The following ANKHD1 variants were observed in gnomAD, a reference collection of about 807,000 sequenced individuals.
The protein encoded by ANKHD1 is ankyrin repeat and KH domain containing 1, also known as ankyrin repeat and KH domain-containing protein 1.
ANKHD1 carries 31 observed loss-of-function variants against 230.5 expected under a neutral mutation model. The observed-to-expected ratio is 0.13, with a 90% CI of 0.10 to 0.18. The LOEUF (loss-of-function observed/expected upper bound fraction) is 0.18, where lower values mean the gene tolerates loss of function less well. Ranked by LOEUF, ANKHD1 falls within the 10% of genes least tolerant of loss-of-function variation. The probability of loss-of-function intolerance (pLI) is 1.00; values close to 1 mark genes in which losing one functional copy is unlikely to be tolerated. For synonymous variants in ANKHD1, 1,074 were observed against 1,117.6 expected (o/e 0.96, Z 0.78); for missense variants, 2,256 against 3,071.3 (o/e 0.73, Z 6.27).
chr5:140,487,052 T>G lies in ANKHD1; in HGVS notation c.2237T>G (p.Val746Gly). Residue 746 changes from valine to glycine, a missense_variant, in exon 14 of 34, where the codon GTG becomes GGG. This residue lies in a region of ANKHD1 where 358 missense variants were observed against 397.7 expected (regional missense o/e 0.90). Coordinates refer to ENST00000360839, the MANE Select transcript of ANKHD1 (RefSeq NM_017747.3). ...GAGAACTCTCCTGCCCTTTTAGGAG[T>G]GCAAAAAGGTTAGTTATTGAATTAT... is the stretch of plus-strand genomic sequence containing the variant. ...SQENSPALLG[V>G]QKGTSKQKSS... 6.2e-7 allele frequency: 1 copy of G among 1,607,888 alleles called. No individual in the cohort carries two copies. The highest frequency in any genetic ancestry group is 8.5e-7 in the Non-Finnish European group (1 of 1,177,856).
intron 14 of ANKHD1, 53 bp from the exon 15 acceptor site, chr5:140,496,443 CTTTTTTTTTTTTCTTTTCTTTTTT>C: frequency 1.3e-5 from 9 of 718,958 alleles, no homozygotes; most frequent in South Asian, 6.3e-5. Flanking sequence ...GGCTGGTTTT[CTTTTTTTTTTTTCTTTTCTTTTTT>C]TTTTTTTTTT....
rs965810628 is a variant in ANKHD1 at position 140,538,934 on chromosome 5, A to T, written c.7420A>T (p.Met2474Leu). The T allele has an allele frequency of 1.9e-6, 3 of 1,548,020 alleles. No homozygotes were observed. The highest frequency in any genetic ancestry group is 2.6e-6 in the Non-Finnish European group (3 of 1,150,352). Reference protein sequence around the residue: ...VDFSKGLPISMYGGTIIPSHP... With the variant: ...VDFSKGLPISLYGGTIIPSHP... ...GCTGTTTTAGGGTCTGCCAATTTCC[A>T]TGTATGGAGGCACCATAATACCCTC... The change falls in exon 33 of 34, where the codon ATG becomes TTG. Residue 2474 changes from methionine (M) to leucine (L), a missense_variant. By Grantham distance (15) the Met-to-Leu change is conservative (BLOSUM62 2). Around this residue, in one of 13 missense-constraint regions of ANKHD1, gnomAD observed 778 missense variants for 966.5 expected, o/e 0.80. Transcript: ENST00000360839.
intron 10 of ANKHD1, among the ~76,000 whole-genome samples, chr5:140,481,184 T>C (rs912773616): frequency 4.6e-5 from 7 of 152,226 alleles, no homozygotes; most frequent in African/African-American, 1.7e-4. Context: ...TAATGATAAT[T>C]CAGAAATAAG....
chr5:140,497,131 A>C lies in ANKHD1; in HGVS notation c.2857A>C (p.Lys953Gln), dbSNP rs966729842. Residue 953 changes from lysine to glutamine, a missense_variant, in exon 15 of 34, where the codon AAA becomes CAA. By Grantham distance (53) the Lys-to-Gln change is moderately conservative. Transcript: ENST00000360839. ...SNGTNSLELQKVSGNQQIVGQ... is the reference protein window; with the variant it reads ...SNGTNSLELQQVSGNQQIVGQ... Reference sequence around the variant, plus strand: ...TGGGACAAATTCTCTTGAACTTCAGAAAGTATCAGGTAATCAGCAGATTGT... The same window carrying C: ...TGGGACAAATTCTCTTGAACTTCAGCAAGTATCAGGTAATCAGCAGATTGT... 11 of 1,614,086 alleles carry C rather than the reference A, an allele frequency of 6.8e-6. No individual in the cohort carries two copies. The African/African-American group carries it at 1.1e-4, about 16-fold the overall frequency.
chr5:140,489,888 G>A (rs771426484), intron 14 of ANKHD1, among the ~76,000 whole-genome samples: 45 of 152,180 alleles, frequency 3.0e-4, no homozygotes, highest in Non-Finnish European at 5.1e-4. Flanking sequence ...CTGCGATAGT[G>A]CATTGTGTTA....
At chr5:140,449,006 T>C (rs1304571513) in intron 6 of ANKHD1, among the ~76,000 whole-genome samples, 1 of 152,244 alleles carries the variant, frequency 6.6e-6, no homozygotes, top group East Asian at 1.9e-4. Flanking sequence ...TAATTCAGTC[T>C]TTAAAGCCTA....
At chr5:140,469,591 AAC>A (rs1283130904) in intron 10 of ANKHD1, among the ~76,000 whole-genome samples, 2 of 152,124 alleles carry the variant, frequency 1.3e-5, no homozygotes, top group Non-Finnish European at 2.9e-5. Context: ...AACTATAGAA[AAC>A]ACAGGAATAA....
At chr5:140,406,223 G>GA (rs1320888962) in intron 1 of ANKHD1, among the ~76,000 whole-genome samples, 1 of 149,948 alleles carries the variant, frequency 6.7e-6, no homozygotes, top group Admixed American at 6.6e-5. Context: ...GGGTGACAGA[G>GA]AGAGACTCTG....
chr5:140,479,244 C>G (rs886794085), intron 10 of ANKHD1, among the ~76,000 whole-genome samples: 3 of 149,432 alleles, frequency 2.0e-5, no homozygotes, highest in African/African-American at 7.4e-5. Flanking sequence ...TGATCCCCCC[C>G]GCCTCGGCCT....
At position 140,428,932 on chromosome 5, in the gene ANKHD1, A is replaced by G. The variant is rs148903934; in HGVS notation, c.307-7172A>G. ...CGAGTAGCTGTGACTACAGGCATGC[A>G]CCATGAGGTCTGGCAAATTTTTTTT... On this transcript the variant is annotated intron_variant, in intron 1 of 33. Coordinates refer to ENST00000360839, the MANE Select transcript of ANKHD1 (RefSeq NM_017747.3). 1.6e-4 allele frequency among the ~76,000 whole-genome samples: 24 copies of G among 150,620 alleles called. 1 individual carries two copies. In the East Asian group the frequency reaches 4.7e-3, roughly 30 times the overall value.
intron 1 of ANKHD1, among the ~76,000 whole-genome samples, chr5:140,406,128 C>T (rs1770418330): frequency 6.6e-6 from 1 of 151,694 alleles, no homozygotes; most frequent in South Asian, 2.1e-4. Context: ...ATCTGAGTTA[C>T]TCAGGAGGCT....
intron 1 of ANKHD1, among the ~76,000 whole-genome samples, chr5:140,415,495 A>G (rs1239250590): frequency 6.7e-6 from 1 of 148,248 alleles, no homozygotes; most frequent in Non-Finnish European, 1.5e-5. Context: ...CTGGAGTACA[A>G]TGGTGCGATC....
rs1415440311 is a variant in ANKHD1, at chr5:140,482,788, T to G, written c.1870+121T>G. 17 of 1,030,828 alleles carry G rather than the reference T, an allele frequency of 1.6e-5. No individual in the cohort carries two copies. In the Middle Eastern group the frequency reaches 6.4e-4, roughly 39 times the overall value. The allele number at this position is 1,030,828 out of a possible 1,614,324, so 63.9% of individuals were successfully genotyped here. A position where few individuals can be genotyped will look rare whatever the true frequency, so the allele number is the denominator to read the frequency against. Reference sequence around the variant, plus strand: ...CAGTAAAGTATTGTATTCTTGCCTTTTGTTATTATATTTTATTTAGTAAGC... The same window carrying G: ...CAGTAAAGTATTGTATTCTTGCCTTGTGTTATTATATTTTATTTAGTAAGC... On this transcript the variant is annotated intron_variant, in intron 11 of 33. Coordinates refer to ENST00000360839, the MANE Select transcript of ANKHD1 (RefSeq NM_017747.3).
rs1753646734 is a variant in ANKHD1, at chr5:140,527,263, GAC to G, written c.5087+193_5087+194del. 3 of 985,442 alleles carry G rather than the reference GAC, an allele frequency of 3.0e-6. No homozygotes were observed. The highest frequency in any genetic ancestry group is 3.4e-5 in the East Asian group (1 of 29,626). The allele number at this position is 985,442 out of a possible 1,614,324, so 61.0% of individuals were successfully genotyped here. A position where few individuals can be genotyped will look rare whatever the true frequency, so the allele number is the denominator to read the frequency against. On this transcript the variant is annotated intron_variant, in intron 27 of 33. Transcript: ENST00000360839. The surrounding 1 kb of genome is among the most constrained non-coding windows in gnomAD (Gnocchi z 4.5). ...TAAATTTTGCATGCATATTTTATAT[GAC>G]ACAAGAAATTTTGGCTTTTTTGGAT...
chr5:140,425,664 G>A (rs1298316985), intron 1 of ANKHD1, among the ~76,000 whole-genome samples: 1 of 152,060 alleles, frequency 6.6e-6, no homozygotes, highest in East Asian at 1.9e-4. Flanking sequence ...AATGAATATA[G>A]CCTTTTTATT....
chr5:140,533,237 C>A (rs1753914912), intron 29 of ANKHD1, among the ~76,000 whole-genome samples: 2 of 152,224 alleles, frequency 1.3e-5, no homozygotes, highest in Non-Finnish European at 2.9e-5. Flanking sequence ...CACTTGAACC[C>A]AGGAGTTCGA....
intron 15 of ANKHD1, among the ~76,000 whole-genome samples, chr5:140,501,114 T>C (rs74323243): frequency 1.3e-5 from 2 of 150,400 alleles, no homozygotes; most frequent in Non-Finnish European, 3.0e-5. Flanking sequence ...TTTTTTTTTT[T>C]GAGACGGAGT....
In ANKHD1 at chr5:140,537,710, A is replaced by G. The variant is rs113950513; in HGVS notation, c.7228+121A>G. 5.7e-5 allele frequency: 78 copies of G among 1,376,370 alleles called. 1 individual carries two copies. The African/African-American group carries it at 7.2e-4, about 13-fold the overall frequency. 85.3% of individuals were successfully genotyped at this position (1,376,370 alleles called of 1,614,324 possible). On this transcript the variant is annotated intron_variant, in intron 31 of 33. Transcript: ENST00000360839. Reference sequence around the variant, plus strand: ...ACTTAGTTCCTATGTTTAACACTCAATTAGGGAAGGGTGTTTATATCTTTG... The same window carrying G: ...ACTTAGTTCCTATGTTTAACACTCAGTTAGGGAAGGGTGTTTATATCTTTG...
intron 1 of ANKHD1, among the ~76,000 whole-genome samples, chr5:140,412,901 G>C (rs1203699999): frequency 1.3e-5 from 2 of 152,196 alleles, no homozygotes; most frequent in Non-Finnish European, 2.9e-5. Context: ...GCAACTATTT[G>C]TGGAAGAGCA....
Sources: allele counts gnomAD v4.1 joint callset (sites outside exome capture counted in the v4.1 genomes callset), GRCh38; gene constraint gnomAD v4.1.1; regional missense constraint gnomAD v4.1.1; non-coding constraint Gnocchi (gnomAD v3.1); transcripts MANE v1.5; gene names NCBI Gene and HGNC (gene_info 2026-07-23, HGNC 2026-07-21).